Variants in IKZF1 observed in about 807,000 individuals in gnomAD.
The protein encoded by IKZF1 is IKAROS family zinc finger 1, also known as DNA-binding protein Ikaros.
In IKZF1, 10 loss-of-function variants were observed where a neutral mutation model predicts 51.7. The observed-to-expected ratio is 0.19, with a 90% CI of 0.12 to 0.33. The LOEUF (loss-of-function observed/expected upper bound fraction) is 0.33, where lower values mean the gene tolerates loss of function less well. Among genes scored for constraint, IKZF1 ranks in the 10% least tolerant of loss-of-function variants. The pLI is 1.00. For synonymous variants in IKZF1, 280 were observed against 282.3 expected (o/e 0.99, Z 0.08); for missense variants, 484 against 707.5 (o/e 0.68, Z 3.58).
chr7:50,368,657 AT>A, intron 3 of IKZF1: 1 of 309,738 alleles, frequency 3.2e-6, no homozygotes, highest in Non-Finnish European at 5.9e-6. Flanking sequence ...TGTGAATTTC[AT>A]TTTTCTTTTT....
intron 3 of IKZF1, among the ~76,000 whole-genome samples, chr7:50,334,218 A>G (rs1293733170): frequency 1.3e-5 from 2 of 152,260 alleles, no homozygotes; most frequent in African/African-American, 4.8e-5. Flanking sequence ...GTGCTATATC[A>G]GATAACATCT....
intron 3 of IKZF1, among the ~76,000 whole-genome samples, chr7:50,356,193 AT>A (rs1316029643): frequency 6.6e-6 from 1 of 152,180 alleles, no homozygotes; most frequent in Non-Finnish European, 1.5e-5. Flanking sequence ...TAAGTTTTTG[AT>A]TATAATGTAA....
chr7:50,321,981 A>G (rs780996625), intron 2 of IKZF1, among the ~76,000 whole-genome samples: 4 of 152,154 alleles, frequency 2.6e-5, no homozygotes, highest in Non-Finnish European at 4.4e-5. Context: ...AGGGATTCCT[A>G]TTTCTAAAAC....
intron 3 of IKZF1, among the ~76,000 whole-genome samples, chr7:50,375,909 A>G (rs1474989589): frequency 1.3e-5 from 2 of 152,218 alleles, no homozygotes; most frequent in African/African-American, 4.8e-5. Flanking sequence ...ATGGTCATGT[A>G]CCAAAGCAAC....
At chr7:50,329,616 T>A (rs889934267) in intron 3 of IKZF1, among the ~76,000 whole-genome samples, 1 of 152,176 alleles carries the variant, frequency 6.6e-6, no homozygotes, top group African/African-American at 2.4e-5. Context: ...ACAGGAATAG[T>A]CATTGGGTGG....
At chr7:50,395,625 T>A in intron 7 of IKZF1, among the ~76,000 whole-genome samples, 1 of 152,326 alleles carries the variant, frequency 6.6e-6, no homozygotes, top group South Asian at 2.1e-4. Flanking sequence ...TCATAGTAGT[T>A]TAGTTATTTA....
intron 3 of IKZF1, among the ~76,000 whole-genome samples, chr7:50,357,471 C>A (rs1356559826): frequency 6.6e-6 from 1 of 152,078 alleles, no homozygotes; most frequent in Non-Finnish European, 1.5e-5. Flanking sequence ...AACCCCCCTG[C>A]CACCCCTCCC....
chr7:50,373,945 C>T (rs1341568671), intron 3 of IKZF1, among the ~76,000 whole-genome samples: 2 of 152,188 alleles, frequency 1.3e-5, no homozygotes, highest in Non-Finnish European at 2.9e-5. Flanking sequence ...CTCAGATGCT[C>T]TCGGTCTCTG....
At chr7:50,394,325 T>C (rs139396710) in intron 7 of IKZF1, 3 of 233,030 alleles carry the variant, frequency 1.3e-5, no homozygotes, top group Non-Finnish European at 2.5e-5. Flanking sequence ...TCACTCCCAA[T>C]GTGTCACAGC....
At chr7:50,343,240 C>T (rs923657153) in intron 3 of IKZF1, among the ~76,000 whole-genome samples, 3 of 136,198 alleles carry the variant, frequency 2.2e-5, no homozygotes, top group Non-Finnish European at 4.7e-5. Flanking sequence ...TCCCTCCCTT[C>T]CTCCTTTTTC....
intron 1 of IKZF1, among the ~76,000 whole-genome samples, chr7:50,317,499 G>A (rs1240671279): frequency 6.6e-6 from 1 of 152,094 alleles, no homozygotes; most frequent in Non-Finnish European, 1.5e-5. Context: ...TGCTTGTGCT[G>A]GTCACATGCT....
At chr7:50,380,472 A>T (rs750993066) in intron 4 of IKZF1, among the ~76,000 whole-genome samples, 4 of 152,212 alleles carry the variant, frequency 2.6e-5, no homozygotes, top group Non-Finnish European at 5.9e-5. Context: ...GGGGAGAGAC[A>T]TGGGACTCCA....
intron 3 of IKZF1, among the ~76,000 whole-genome samples, chr7:50,359,049 C>T (rs963690659): frequency 1.4e-4 from 22 of 152,226 alleles, no homozygotes; most frequent in African/African-American, 4.6e-4. Flanking sequence ...CATGTGTGCT[C>T]AGGAGTTTCA....
chr7:50,304,455 G>C (rs1788279856), upstream of IKZF1: 1 of 148,656 alleles, frequency 6.7e-6, no homozygotes. Context: ...CGCGCGCTCT[G>C]GCCACCCGCC....
chr7:50,397,718 A>C (rs1209249865), intron 7 of IKZF1, among the ~76,000 whole-genome samples: 7 of 152,228 alleles, frequency 4.6e-5, no homozygotes, highest in Non-Finnish European at 1.0e-4. Context: ...GAAACAAAAA[A>C]ATTGTGTGGT....
chr7:50,371,657 A>G (rs1278527751), intron 3 of IKZF1, among the ~76,000 whole-genome samples: 1 of 152,152 alleles, frequency 6.6e-6, no homozygotes, highest in Non-Finnish European at 1.5e-5. Flanking sequence ...CTCATCTCCC[A>G]CTTGCCTCTC....
chr7:50,362,276 A>G (rs1805479121), intron 3 of IKZF1, among the ~76,000 whole-genome samples: 1 of 152,210 alleles, frequency 6.6e-6, no homozygotes, highest in Admixed American at 6.5e-5. Flanking sequence ...CTGAAACACC[A>G]TGAGGGTAAG....
intron 1 of IKZF1, among the ~76,000 whole-genome samples, chr7:50,313,900 A>T (rs1790810203): frequency 6.6e-6 from 1 of 152,260 alleles, no homozygotes; most frequent in South Asian, 2.1e-4. Flanking sequence ...TCAATGCCAG[A>T]AACTTAGTAG....
At chr7:50,353,022 G>A (rs958705902) in intron 3 of IKZF1, among the ~76,000 whole-genome samples, 3 of 152,088 alleles carry the variant, frequency 2.0e-5, no homozygotes, top group Non-Finnish European at 2.9e-5. Flanking sequence ...GGCTGTCCAC[G>A]CCTCTTTTCC....
Sources: gnomAD v4.1 joint callset for allele counts (sites outside exome capture counted in the v4.1 genomes callset) on GRCh38, gnomAD v4.1.1 for gene constraint, MANE v1.5 for transcripts, NCBI Gene and HGNC (gene_info 2026-07-23, HGNC 2026-07-21) for gene names.